NALF1: variants seen among roughly 807,000 people sequenced by gnomAD.
NALF1 encodes the protein NALCN channel auxiliary factor 1, also known as family with sequence similarity 155 member A.
NALF1 carries 3 observed loss-of-function variants against 48.4 expected under a neutral mutation model. That is an observed-to-expected ratio of 0.06 (90% CI 0.03 to 0.16). NALF1 has a LOEUF of 0.16. Ranked by LOEUF, NALF1 falls within the 10% of genes least tolerant of loss-of-function variation. The probability of loss-of-function intolerance (pLI) is 1.00; values close to 1 mark genes in which losing one functional copy is unlikely to be tolerated. For missense variants in NALF1, 526 were observed against 571.5 expected (o/e 0.92, Z 0.81); for synonymous variants, 262 against 245.7 (o/e 1.07, Z -0.62).
intron 1 of NALF1, among the ~76,000 whole-genome samples, chr13:107,477,506 A>G (rs535545141): frequency 2.3e-4 from 35 of 152,132 alleles, no homozygotes; most frequent in South Asian, 1.0e-3. Context: ...AAAGCCCACA[A>G]ATATCCATTC....
At chr13:107,476,742 A>C (rs896976903) in intron 1 of NALF1, among the ~76,000 whole-genome samples, 3 of 152,106 alleles carry the variant, frequency 2.0e-5, no homozygotes, top group African/African-American at 7.2e-5. Context: ...TTATAGATTT[A>C]TATGGGAATC....
intron 1 of NALF1, among the ~76,000 whole-genome samples, chr13:107,283,903 C>A (rs1363796262): frequency 6.6e-6 from 1 of 151,994 alleles, no homozygotes; most frequent in Non-Finnish European, 1.5e-5. Context: ...TCATGATCCA[C>A]CCACCTCGGC....
intron 1 of NALF1, among the ~76,000 whole-genome samples, chr13:107,316,139 C>T (rs921567223): frequency 6.6e-6 from 1 of 152,022 alleles, no homozygotes; most frequent in African/African-American, 2.4e-5. Context: ...CGAGCGAGAA[C>T]ATGCAGTGTT....
intron 1 of NALF1, among the ~76,000 whole-genome samples, chr13:107,697,770 T>G (rs898107794): frequency 6.6e-6 from 1 of 152,164 alleles, no homozygotes; most frequent in African/African-American, 2.4e-5. Flanking sequence ...AAACCTGTTT[T>G]CCTTTGCATT....
intron 1 of NALF1, among the ~76,000 whole-genome samples, chr13:107,271,574 G>GGCTGTGCTCAT (rs796304447): frequency 5.3e-5 from 8 of 151,830 alleles, no homozygotes; most frequent in African/African-American, 1.9e-4. Flanking sequence ...AACTCAGCCA[G>GGCTGTGCTCAT]GCTGTGCTCA....
chr13:107,203,099 G>A (rs941428926), intron 2 of NALF1, among the ~76,000 whole-genome samples: 13 of 152,294 alleles, frequency 8.5e-5, no homozygotes, highest in African/African-American at 2.6e-4. Flanking sequence ...AAGAATTCGC[G>A]AATTCTTCAC....
At chr13:107,666,030 T>A (rs878879902) in intron 1 of NALF1, among the ~76,000 whole-genome samples, 1 of 152,060 alleles carries the variant, frequency 6.6e-6, no homozygotes, top group Admixed American at 6.6e-5. Flanking sequence ...CCAAATTAGA[T>A]CTGTAAAGTA....
chr13:107,833,610 C>A (rs1279656506), intron 1 of NALF1, among the ~76,000 whole-genome samples: 3 of 152,024 alleles, frequency 2.0e-5, no homozygotes, highest in African/African-American at 7.2e-5. Flanking sequence ...CAATCCTTTC[C>A]ATTACAAAGG....
At chr13:107,236,436 A>G (rs925391767) in intron 1 of NALF1, among the ~76,000 whole-genome samples, 1 of 152,104 alleles carries the variant, frequency 6.6e-6, no homozygotes, top group Non-Finnish European at 1.5e-5. Context: ...AAAAAATAGG[A>G]GCATGGTTTC....
intron 1 of NALF1, among the ~76,000 whole-genome samples, chr13:107,552,695 T>C (rs963154788): frequency 2.6e-5 from 4 of 152,188 alleles, no homozygotes; most frequent in South Asian, 2.1e-4. Context: ...ATATTCATAA[T>C]GATTCGGACT....
intron 1 of NALF1, among the ~76,000 whole-genome samples, chr13:107,504,379 A>G (rs1199437367): frequency 1.3e-5 from 2 of 152,110 alleles, no homozygotes; most frequent in Non-Finnish European, 2.9e-5. Flanking sequence ...ATTAATGTTC[A>G]TAAGTTTATT....
intron 1 of NALF1, among the ~76,000 whole-genome samples, chr13:107,854,862 C>T (rs911862434): frequency 1.6e-4 from 23 of 141,872 alleles, no homozygotes; most frequent in Non-Finnish European, 3.1e-4. Context: ...GACACAGGTT[C>T]CATCTCAAAA....
intron 1 of NALF1, among the ~76,000 whole-genome samples, chr13:107,451,755 A>G (rs9520447): frequency 0.23 from 35,578 of 152,024 alleles, 4,881 homozygotes; most frequent in Non-Finnish European, 0.31. Flanking sequence ...GCTCTATCCA[A>G]TTTTGCACCC....
At chr13:107,821,337 C>G (rs74112637) in intron 1 of NALF1, among the ~76,000 whole-genome samples, 1,845 of 152,264 alleles carry the variant, frequency 0.012, 40 homozygotes, top group African/African-American at 0.042. Flanking sequence ...ATGATTCCTA[C>G]AGTTATATGT....
At chr13:107,522,703 AAG>A (rs1049627058) in intron 1 of NALF1, among the ~76,000 whole-genome samples, 3 of 151,884 alleles carry the variant, frequency 2.0e-5, no homozygotes, top group African/African-American at 7.3e-5. Context: ...TCCTGAGTTC[AAG>A]AGATTCTCCT....
At position 107,167,859 on chromosome 13, in the gene NALF1, CA is replaced by C. The variant is rs1398466124; in HGVS notation, c.*2637del. The C allele has an allele frequency of 6.6e-6, 1 of 152,128 alleles. No individual in the cohort carries two copies. The highest frequency in any genetic ancestry group is 2.4e-5 in the African/African-American group (1 of 41,424). The allele number at this position is 152,128 out of a possible 1,614,324, so 9.4% of individuals were successfully genotyped here. On this transcript the variant is annotated 3_prime_UTR_variant, in exon 3 of 3. Transcript: ENST00000375915. ...CATTATCTCCAAACAAACGCTAAAA[CA>C]CGGGTAAGTGGAACCTTCTGATCCT...
At chr13:107,219,331 C>T (rs1258911250) in intron 1 of NALF1, among the ~76,000 whole-genome samples, 1 of 152,142 alleles carries the variant, frequency 6.6e-6, no homozygotes, top group Admixed American at 6.5e-5. Flanking sequence ...ACAAAAGTGC[C>T]AGTGATCCTA....
At chr13:107,715,208 C>CT (rs796996242) in intron 1 of NALF1, among the ~76,000 whole-genome samples, 2,707 of 146,514 alleles carry the variant, frequency 0.018, 75 homozygotes, top group African/African-American at 0.06. Flanking sequence ...CTCTCTCTTT[C>CT]TTTTTTTTTT....
chr13:107,437,479 C>A (rs985129394), intron 1 of NALF1, among the ~76,000 whole-genome samples: 2 of 152,146 alleles, frequency 1.3e-5, no homozygotes, highest in African/African-American at 4.8e-5. Flanking sequence ...TTGTCAAAAA[C>A]TAGAAATCAT....
Sources: allele counts gnomAD v4.1 joint callset (sites outside exome capture counted in the v4.1 genomes callset), GRCh38; gene constraint gnomAD v4.1.1; transcripts MANE v1.5; gene names NCBI Gene and HGNC (gene_info 2026-07-23, HGNC 2026-07-21).